ZFPM2: variants seen among roughly 807,000 people sequenced by gnomAD.
The protein encoded by ZFPM2 is zinc finger protein, FOG family member 2.
A neutral mutation model predicts 98.6 loss-of-function variants in ZFPM2; 20 were observed. The ratio of observed to expected loss-of-function variants is 0.20; its 90% CI spans 0.14 to 0.29. The LOEUF (loss-of-function observed/expected upper bound fraction) is 0.29. Ranked by LOEUF, ZFPM2 falls within the 10% of genes least tolerant of loss-of-function variation. The pLI, the probability that ZFPM2 is intolerant of heterozygous loss-of-function variation, is 1.00. For missense variants in ZFPM2, 1,310 were observed against 1,388.6 expected, an observed-to-expected ratio of 0.94 and a Z score of 0.90; for synonymous variants, 518 against 502.7, an observed-to-expected ratio of 1.03 and a Z score of -0.41.
At chr8:105,791,582 T>A (rs909798244) in intron 6 of ZFPM2, among the ~76,000 whole-genome samples, 2 of 152,248 alleles carry the variant, frequency 1.3e-5, no homozygotes, top group African/African-American at 2.4e-5. Flanking sequence ...CCGGCTTTGG[T>A]ATCAGGATGA....
intron 5 of ZFPM2, among the ~76,000 whole-genome samples, chr8:105,756,195 C>A (rs754754081): frequency 3.3e-5 from 5 of 152,100 alleles, no homozygotes; most frequent in African/African-American, 1.2e-4. Flanking sequence ...GTGCATGTGG[C>A]CCTACCTTAA....
intron 5 of ZFPM2, among the ~76,000 whole-genome samples, chr8:105,683,766 CTCTT>C (rs1810667951): frequency 6.6e-6 from 1 of 152,184 alleles, no homozygotes. Context: ...GAATTAGAAA[CTCTT>C]TCTCTGACTT....
intron 5 of ZFPM2, among the ~76,000 whole-genome samples, chr8:105,778,006 G>A (rs1813144907): frequency 6.6e-6 from 1 of 151,908 alleles, no homozygotes; most frequent in Admixed American, 6.6e-5. Context: ...CTTTTATCAG[G>A]TGCTGTGCAG....
At chr8:105,553,358 T>G (rs1814907854) in intron 3 of ZFPM2, among the ~76,000 whole-genome samples, 1 of 152,180 alleles carries the variant, frequency 6.6e-6, no homozygotes, top group Admixed American at 6.5e-5. Context: ...AATGTAAATT[T>G]GCTTCTTATA....
At chr8:105,434,285 T>C (rs1812078678) in intron 2 of ZFPM2, among the ~76,000 whole-genome samples, 1 of 152,158 alleles carries the variant, frequency 6.6e-6, no homozygotes, top group Non-Finnish European at 1.5e-5. Flanking sequence ...TTTGGTAACA[T>C]AGAGTTAATT....
intron 5 of ZFPM2, chr8:105,684,900 AG>A (rs1269385497): frequency 6.6e-6 from 1 of 152,098 alleles, no homozygotes; most frequent in Non-Finnish European, 1.5e-5. Flanking sequence ...TGCTGAGGTC[AG>A]CGGACAAGTT....
At chr8:105,572,193 A>G (rs1381390525) in intron 4 of ZFPM2, among the ~76,000 whole-genome samples, 3 of 151,636 alleles carry the variant, frequency 2.0e-5, no homozygotes, top group Non-Finnish European at 2.9e-5. Context: ...GCACGCCACC[A>G]CACCTGGCTA....
chr8:105,337,010 C>A (rs1277802330), intron 1 of ZFPM2, among the ~76,000 whole-genome samples: 1 of 151,728 alleles, frequency 6.6e-6, no homozygotes, highest in Non-Finnish European at 1.5e-5. Flanking sequence ...TTAGAAAGAT[C>A]CTGACTGGAG....
At chr8:105,347,666 A>G (rs1181643281) in intron 1 of ZFPM2, among the ~76,000 whole-genome samples, 1 of 152,160 alleles carries the variant, frequency 6.6e-6, no homozygotes, top group Non-Finnish European at 1.5e-5. Context: ...CAGACATGGC[A>G]TATGTCAGAG....
chr8:105,351,458 G>A (rs1195546449), intron 1 of ZFPM2, among the ~76,000 whole-genome samples: 2 of 151,868 alleles, frequency 1.3e-5, no homozygotes, highest in African/African-American at 4.8e-5. Context: ...CTCAGATAAG[G>A]AGGGCTGACT....
intron 3 of ZFPM2, among the ~76,000 whole-genome samples, chr8:105,480,752 ATTT>A (rs765031551): frequency 7.1e-6 from 1 of 140,948 alleles, no homozygotes; most frequent in Non-Finnish European, 1.6e-5. Flanking sequence ...GTGGGATTAC[ATTT>A]TTTTTTTTTT....
intron 4 of ZFPM2, among the ~76,000 whole-genome samples, chr8:105,613,914 G>A (rs1011760819): frequency 2.6e-5 from 4 of 152,094 alleles, no homozygotes; most frequent in African/African-American, 9.7e-5. Context: ...GATATGAAGA[G>A]ATATTATTGT....
At chr8:105,651,004 T>A (rs1269930039) in intron 5 of ZFPM2, among the ~76,000 whole-genome samples, 1 of 152,130 alleles carries the variant, frequency 6.6e-6, no homozygotes, top group Admixed American at 6.5e-5. Flanking sequence ...CTTGTTCAGT[T>A]TTTGTCTTTA....
intron 5 of ZFPM2, among the ~76,000 whole-genome samples, chr8:105,736,101 T>C (rs752059881): frequency 6.6e-6 from 1 of 152,000 alleles, no homozygotes; most frequent in South Asian, 2.1e-4. Flanking sequence ...TTTGTAAGCA[T>C]TGAGATTTTT....
chr8:105,441,463 AAAG>A (rs1812242407), intron 2 of ZFPM2, among the ~76,000 whole-genome samples: 1 of 118,516 alleles, frequency 8.4e-6, no homozygotes, highest in African/African-American at 3.6e-5. Context: ...AGAAAGAAAG[AAAG>A]AAAGAAAGAA....
intron 3 of ZFPM2, among the ~76,000 whole-genome samples, chr8:105,507,599 A>G (rs906423999): frequency 2.6e-5 from 4 of 152,264 alleles, no homozygotes; most frequent in African/African-American, 9.6e-5. Flanking sequence ...AGCAATATGA[A>G]TGTCATGTGC....
At chr8:105,636,507 A>T (rs777685715) in intron 5 of ZFPM2, among the ~76,000 whole-genome samples, 10 of 152,144 alleles carry the variant, frequency 6.6e-5, no homozygotes, top group Non-Finnish European at 1.5e-4. Context: ...TTGTTTCATG[A>T]TCATGAATAT....
At chr8:105,319,096 C>T (rs1166682887) in intron 1 of ZFPM2, 115 bp downstream of exon 1, 3 of 1,248,592 alleles carry the variant, frequency 2.4e-6, no homozygotes, top group Non-Finnish European at 3.2e-6. Context: ...TCCCGGTCCC[C>T]TAGATGTCTC....
chr8:105,613,032 G>C (rs1801698782), intron 4 of ZFPM2, among the ~76,000 whole-genome samples: 1 of 152,168 alleles, frequency 6.6e-6, no homozygotes, highest in Non-Finnish European at 1.5e-5. Flanking sequence ...TTTGTCCATA[G>C]TAGGTGATCA....
Sources: gnomAD v4.1 joint callset for allele counts (sites outside exome capture counted in the v4.1 genomes callset) on GRCh38, gnomAD v4.1.1 for gene constraint, MANE v1.5 for transcripts, NCBI Gene and HGNC (gene_info 2026-07-23, HGNC 2026-07-21) for gene names.